The following RORC variants were observed in gnomAD, a reference collection of about 807,000 sequenced individuals.
The protein encoded by RORC is nuclear receptor ROR-gamma.
A neutral mutation model predicts 64.5 loss-of-function variants in RORC; 13 were observed. The ratio of observed to expected loss-of-function variants is 0.20; its 90% confidence interval spans 0.13 to 0.32. RORC has a LOEUF of 0.32. Ranked by LOEUF, RORC falls within the 10% of genes least tolerant of loss-of-function variation. RORC has a pLI of 1.00. For missense variants in RORC, 468 were observed against 669.5 expected (o/e 0.70, Z 3.32); for synonymous variants, 277 against 259.3 (o/e 1.07, Z -0.65).
chr1:151,828,868 A>G (rs1375291295), intron 2 of RORC, among the ~76,000 whole-genome samples: 1 of 151,580 alleles, frequency 6.6e-6, no homozygotes, highest in African/African-American at 2.4e-5. Context: ...AGTCCCAGCT[A>G]CTCGAGAGGC....
At position 151,813,075 on chromosome 1, in the gene RORC, A is replaced by G; in HGVS notation, c.1175-18T>C. ...GCTGCAGCCTGATGGAGTGGAAATGAGAAAAGTGAGAGAGTGGCTGGAGCG... is the reference window on the plus strand; with the variant it reads ...GCTGCAGCCTGATGGAGTGGAAATGGGAAAAGTGAGAGAGTGGCTGGAGCG... On this transcript the variant is annotated intron_variant, in intron 8 of 10. Coordinates refer to ENST00000318247, the MANE Select transcript of RORC (RefSeq NM_005060.4). 6.3e-7 allele frequency: 1 copy of G among 1,585,596 alleles called. No individual in the cohort carries two copies. The highest frequency in any genetic ancestry group is 8.7e-7 in the Non-Finnish European group (1 of 1,154,120).
At chr1:151,812,034 T>A (rs568469892) in intron 9 of RORC, 1 of 152,370 alleles carries the variant, frequency 6.6e-6, no homozygotes, top group South Asian at 2.1e-4. Flanking sequence ...ATATTTAGTA[T>A]TCATCTGGCT....
At position 151,829,485 on chromosome 1, in the gene RORC, G is replaced by A. The variant is rs200718165; in HGVS notation, c.41-27C>T. ...TGTAAAGACAAGAGAGGGGGTTGACGTCAAAGGTTGAAGATCATGAGGGGC... is the reference window on the plus strand; with the variant it reads ...TGTAAAGACAAGAGAGGGGGTTGACATCAAAGGTTGAAGATCATGAGGGGC... On this transcript the variant is annotated intron_variant, in intron 1 of 10. Transcript: ENST00000318247. 413 of 1,511,244 alleles carry A rather than the reference G, an allele frequency of 2.7e-4. 2 individuals are homozygous for A. The African/African-American group carries it at 5.3e-3, about 20-fold the overall frequency. 93.6% of individuals were successfully genotyped at this position (1,511,244 alleles called of 1,614,324 possible). A position where few individuals can be genotyped will look rare whatever the true frequency, so the allele number is the denominator to read the frequency against.
chr1:151,818,769 C>G (rs1352356118), intron 2 of RORC, among the ~76,000 whole-genome samples: 1 of 152,224 alleles, frequency 6.6e-6, no homozygotes, highest in Non-Finnish European at 1.5e-5. Flanking sequence ...GGCAGCCTCT[C>G]TGGAGGGCGA....
intron 8 of RORC, 78 bp from the exon 9 acceptor site, chr1:151,813,135 G>C: frequency 6.9e-7 from 1 of 1,454,576 alleles, no homozygotes; most frequent in Non-Finnish European, 9.6e-7. Flanking sequence ...ATTGTGTTTA[G>C]AGCAGAGGGG....
intron 2 of RORC, 65 bp from the exon 3 acceptor site, chr1:151,817,345 TG>T: frequency 1.8e-6 from 2 of 1,120,912 alleles, no homozygotes; most frequent in South Asian, 2.5e-5. Context: ...ACCATGTACC[TG>T]GGCTGCAGAT....
At chr1:151,813,149 A>G in intron 8 of RORC, 90 bp downstream of exon 8, 1 of 1,461,948 alleles carries the variant, frequency 6.8e-7, no homozygotes. Context: ...AGAGGGGGCA[A>G]TTCGCCCTGA....
intron 2 of RORC, among the ~76,000 whole-genome samples, chr1:151,827,975 C>T (rs533810324): frequency 3.9e-5 from 6 of 151,944 alleles, no homozygotes; most frequent in South Asian, 4.2e-4. Flanking sequence ...AGCTCACCCG[C>T]GTCACTCCCT....
rs762476033 is a variant in RORC, at chr1:151,831,706, A to AG, written c.40+18dup. 3 of 1,610,674 alleles carry AG rather than the reference A, an allele frequency of 1.9e-6. No individual in the cohort carries two copies. Among genetic ancestry groups the AG allele is most frequent in the Non-Finnish European group, 1.7e-6 (2 of 1,179,920 alleles). On this transcript the variant is annotated intron_variant, in intron 1 of 10. Transcript: ENST00000318247. ...CCAGCAGTCTCTTCCACCTGCAGGC[A>AG]GGGCCATGGGCCTCTTACCCCGTGA...
rs375493898 is a variant in RORC at position 151,829,453 on chromosome 1, G to C, written c.46C>G (p.Leu16Val). The C allele has an allele frequency of 5.9e-6, 9 of 1,534,554 alleles. No homozygotes were observed. The highest frequency in any genetic ancestry group is 7.8e-6 in the Non-Finnish European group (9 of 1,148,738). ...QRQHRASREL[L>V]AAKKTHTSQI... Reference sequence around the variant, plus strand: ...CAGGTGTGGGTCTTCTTTGCAGCCAGCAGCTCTGTAAAGACAAGAGAGGGG... The same window carrying C: ...CAGGTGTGGGTCTTCTTTGCAGCCACCAGCTCTGTAAAGACAAGAGAGGGG... The change falls in exon 2 of 11, where the codon CTG becomes GTG. Residue 16 changes from leucine to valine, a missense_variant. Physicochemically the swap from Leu to Val is conservative, Grantham distance 32 (BLOSUM62 1). Coordinates refer to ENST00000318247, the MANE Select transcript of RORC (RefSeq NM_005060.4).
chr1:151,831,068 G>C, intron 1 of RORC: 2 of 1,289,154 alleles, frequency 1.6e-6, no homozygotes, highest in Non-Finnish European at 2.0e-6. Context: ...CTTGGACCAT[G>C]GGTGGGGCCA....
intron 10 of RORC, among the ~76,000 whole-genome samples, chr1:151,809,902 TC>T (rs888745576): frequency 1.3e-5 from 2 of 152,182 alleles, no homozygotes; most frequent in African/African-American, 4.8e-5. Context: ...CCTTTGGAGC[TC>T]CCTGTGGCCT....
intron 1 of RORC, 106 bp downstream of exon 1, chr1:151,831,619 T>A: frequency 6.2e-7 from 1 of 1,600,890 alleles, no homozygotes; most frequent in Non-Finnish European, 8.5e-7. Context: ...TGCACTCTTG[T>A]CCCTCCCTCC....
At chr1:151,811,280 G>C in intron 10 of RORC, 45 bp downstream of exon 10, 1 of 1,283,344 alleles carries the variant, frequency 7.8e-7, no homozygotes, top group South Asian at 1.2e-5. Context: ...ATGTTACAGA[G>C]CTAGCGATGG....
chr1:151,829,102 G>C (rs1379389972), intron 2 of RORC, among the ~76,000 whole-genome samples: 4 of 99,242 alleles, frequency 4.0e-5, no homozygotes, highest in African/African-American at 1.2e-4. Flanking sequence ...TTCCTTCCCC[G>C]GCCTGGCAGT....
In RORC at chr1:151,807,687, C is replaced by T; in HGVS notation, c.1396-54G>A. ...GTCAATACTTCAGCTCTCCTCAGAG[C>T]AAAGAAGTCCGCTCATTCTTCCTGG... On this transcript the variant is annotated intron_variant, in intron 10 of 10. Transcript: ENST00000318247. The surrounding 1 kb of genome is among the most constrained non-coding windows in gnomAD (Gnocchi z 5.0). The T allele has an allele frequency of 6.3e-7, 1 of 1,580,992 alleles. No individual in the cohort carries two copies. The highest frequency in any genetic ancestry group is 1.1e-5 in the South Asian group (1 of 88,534).
At position 151,817,377 on chromosome 1, in the gene RORC, C is replaced by T. The variant is rs116467908; in HGVS notation, c.71-97G>A. The T allele has an allele frequency of 3.2e-3, 2,595 of 803,622 alleles. 10 individuals are homozygous for T. Among genetic ancestry groups the T allele is most frequent in the Non-Finnish European group, 4.0e-3 (1,853 of 462,688 alleles). 49.8% of individuals were successfully genotyped at this position (803,622 alleles called of 1,614,324 possible). On this transcript the variant is annotated intron_variant, in intron 2 of 10. Transcript: ENST00000318247. ...CAGATACAGGTACCTGGTGCTTCCA[C>T]TACTTCTCCAACCAGCTCCAGCTTG...
chr1:151,813,470 C>A lies in RORC; in HGVS notation c.1066+18G>T. 1.2e-6 allele frequency: 2 copies of A among 1,613,956 alleles called. No homozygotes were observed. Among genetic ancestry groups the A allele is most frequent in the Non-Finnish European group, 1.7e-6 (2 of 1,179,836 alleles). On this transcript the variant is annotated intron_variant, in intron 7 of 10. Coordinates refer to ENST00000318247, the MANE Select transcript of RORC (RefSeq NM_005060.4). Reference sequence around the variant, plus strand: ...TCTGTCCCCTTGTCCCCAGGCCTGCCCACCCATCCCTGGGCACCTGCTTTG... The same window carrying A: ...TCTGTCCCCTTGTCCCCAGGCCTGCACACCCATCCCTGGGCACCTGCTTTG...
In RORC at chr1:151,815,252, G is replaced by C; in HGVS notation, c.472C>G (p.Leu158Val). The C allele has an allele frequency of 6.2e-7, 1 of 1,610,178 alleles. No homozygotes were observed. Among genetic ancestry groups the C allele is most frequent in the Non-Finnish European group, 8.5e-7 (1 of 1,177,318 alleles). Residue 158 changes from leucine (L) to valine (V), a missense_variant, in exon 5 of 11, where the codon CTG becomes GTG. By Grantham distance (32) the Leu-to-Val change is conservative (BLOSUM62 1). Around this residue, in one of 5 missense-constraint regions of RORC, gnomAD observed 241 missense variants for 295.5 expected, o/e 0.82. Transcript: ENST00000318247. ...AGGTCAGGCGAGGAGCCCAGGGGCA[G>C]CTGCCCGTCTGGGAGCCCCAAGGTG... ...TYTLGLPDGQ[L>V]PLGSSPDLPE...
Sources: allele counts gnomAD v4.1 joint callset (sites outside exome capture counted in the v4.1 genomes callset), GRCh38; gene constraint gnomAD v4.1.1; regional missense constraint gnomAD v4.1.1; non-coding constraint Gnocchi (gnomAD v3.1); transcripts MANE v1.5; gene names NCBI Gene and HGNC (gene_info 2026-07-23, HGNC 2026-07-21).